The following GALNTL6 variants were observed in gnomAD, a reference collection of about 807,000 sequenced individuals.
GALNTL6 encodes polypeptide N-acetylgalactosaminyltransferase-like 6.
Under a neutral mutation model 73.7 loss-of-function variants are expected in GALNTL6, and 46 were observed. That is an observed-to-expected ratio of 0.62 (90% CI 0.49 to 0.80). GALNTL6 has a LOEUF of 0.80. GALNTL6 is among the 30% of genes least tolerant of loss of function. The probability of loss-of-function intolerance (pLI) is 0.00; values close to 1 mark genes in which losing one functional copy is unlikely to be tolerated. For synonymous variants in GALNTL6, 259 were observed against 263.7 expected, an observed-to-expected ratio of 0.98 and a Z score of 0.17; for missense variants, 604 against 755.0, an observed-to-expected ratio of 0.80 and a Z score of 2.34.
At chr4:172,276,161 A>C (rs1316917198) in intron 3 of GALNTL6, among the ~76,000 whole-genome samples, 2 of 152,230 alleles carry the variant, frequency 1.3e-5, no homozygotes, top group African/African-American at 4.8e-5. Context: ...ATTGAACTGA[A>C]AAGTCAAGGC....
intron 5 of GALNTL6, among the ~76,000 whole-genome samples, chr4:172,756,292 A>C (rs1224133973): frequency 2.0e-5 from 3 of 152,236 alleles, no homozygotes; most frequent in Non-Finnish European, 4.4e-5. Context: ...CAATTAAAAA[A>C]ATAATCATAG....
At chr4:172,034,008 A>T (rs1162393076) in intron 2 of GALNTL6, among the ~76,000 whole-genome samples, 1 of 152,108 alleles carries the variant, frequency 6.6e-6, no homozygotes, top group African/African-American at 2.4e-5. Flanking sequence ...ACAATCAAAA[A>T]TTGTTTTCTC....
At chr4:172,811,166 C>T (rs1484905751) in intron 6 of GALNTL6, among the ~76,000 whole-genome samples, 1 of 152,168 alleles carries the variant, frequency 6.6e-6, no homozygotes, top group Non-Finnish European at 1.5e-5. Flanking sequence ...AGTTTCTTGG[C>T]TCATTTTTCA....
Position 172,809,344 on chromosome 4 carries a change from C to A in GALNTL6, c.554-17C>A. On this transcript the variant is annotated splice_polypyrimidine_tract_variant and intron_variant, in intron 5 of 12. Transcript: ENST00000506823. The surrounding 1 kb of genome is among the most constrained non-coding windows in gnomAD (Gnocchi z 4.4). ...ATGTTTTGCGTTTTTTCTATGCATT[C>A]TCTACTTCCTACCTAGAACACCTGA... is the stretch of plus-strand genomic sequence containing the variant. 1 of 1,608,818 alleles carries A rather than the reference C, an allele frequency of 6.2e-7. No homozygotes were observed. Among genetic ancestry groups the A allele is most frequent in the Non-Finnish European group, 8.5e-7 (1 of 1,176,566 alleles).
intron 12 of GALNTL6, among the ~76,000 whole-genome samples, chr4:173,037,193 A>G (rs955852549): frequency 1.1e-4 from 17 of 152,200 alleles, no homozygotes. Context: ...GGGAACAATT[A>G]GTCTGTGGAT....
chr4:172,467,994 G>A (rs1732897328), intron 5 of GALNTL6, among the ~76,000 whole-genome samples: 1 of 150,924 alleles, frequency 6.6e-6, no homozygotes, highest in African/African-American at 2.4e-5. Context: ...CCTGGGCTCA[G>A]GTGATCCTCC....
intron 7 of GALNTL6, among the ~76,000 whole-genome samples, chr4:172,877,664 TA>T (rs1379569761): frequency 6.6e-6 from 1 of 151,542 alleles, no homozygotes; most frequent in East Asian, 1.9e-4. Context: ...TTAACAGATT[TA>T]ACATAAAATA....
At chr4:172,871,269 T>A (rs1474293367) in intron 7 of GALNTL6, among the ~76,000 whole-genome samples, 1 of 152,140 alleles carries the variant, frequency 6.6e-6, no homozygotes, top group Non-Finnish European at 1.5e-5. Context: ...TCCTTCAGGT[T>A]CTTGAACATT....
intron 2 of GALNTL6, among the ~76,000 whole-genome samples, chr4:171,970,740 A>G (rs12505373): frequency 0.42 from 64,083 of 152,098 alleles, 16,641 homozygotes; most frequent in Non-Finnish European, 0.57. Context: ...AAATGAGCAC[A>G]AAATGCAAAA....
chr4:172,678,039 T>C (rs1732407496), intron 5 of GALNTL6, among the ~76,000 whole-genome samples: 1 of 152,206 alleles, frequency 6.6e-6, no homozygotes, highest in African/African-American at 2.4e-5. Flanking sequence ...TTATGTTTTG[T>C]CTCTAATTCA....
At chr4:172,371,174 T>A (rs2111258747) in intron 5 of GALNTL6, among the ~76,000 whole-genome samples, 1 of 152,330 alleles carries the variant, frequency 6.6e-6, no homozygotes, top group African/African-American at 2.4e-5. Flanking sequence ...AGTTTCCTTA[T>A]CACTTACTGA....
chr4:172,554,863 A>G (rs1432977289), intron 5 of GALNTL6, among the ~76,000 whole-genome samples: 2 of 152,164 alleles, frequency 1.3e-5, no homozygotes, highest in Non-Finnish European at 2.9e-5. Flanking sequence ...AAATAATGCC[A>G]CTATGATCAC....
chr4:172,237,366 C>A (rs1016049631), intron 3 of GALNTL6, among the ~76,000 whole-genome samples: 1 of 152,030 alleles, frequency 6.6e-6, no homozygotes, highest in Non-Finnish European at 1.5e-5. Context: ...TGATGTTGAA[C>A]ATTTTTTTCA....
chr4:171,889,313 AC>A (rs1305406965), intron 2 of GALNTL6, among the ~76,000 whole-genome samples: 1 of 151,420 alleles, frequency 6.6e-6, no homozygotes, highest in Non-Finnish European at 1.5e-5. Context: ...TTGCTGATAA[AC>A]AAGTCATAGT....
intron 5 of GALNTL6, among the ~76,000 whole-genome samples, chr4:172,765,050 A>G (rs1738327822): frequency 6.6e-6 from 1 of 152,228 alleles, no homozygotes; most frequent in African/African-American, 2.4e-5. Context: ...CCAGGAATTA[A>G]TTATCCTCCT....
intron 4 of GALNTL6, among the ~76,000 whole-genome samples, chr4:172,322,345 ATTCT>A (rs1023272405): frequency 1.3e-5 from 2 of 152,082 alleles, no homozygotes; most frequent in African/African-American, 4.8e-5. Context: ...CCTCAGTCGA[ATTCT>A]TTCTTCTGAG....
At chr4:171,827,762 G>C (rs922596427) in intron 2 of GALNTL6, among the ~76,000 whole-genome samples, 1 of 151,826 alleles carries the variant, frequency 6.6e-6, no homozygotes, top group Non-Finnish European at 1.5e-5. Context: ...CACTGTCTTC[G>C]GTACCTTCAT....
At chr4:172,024,515 A>T (rs913573850) in intron 2 of GALNTL6, among the ~76,000 whole-genome samples, 12 of 151,894 alleles carry the variant, frequency 7.9e-5, no homozygotes, top group Non-Finnish European at 1.6e-4. Flanking sequence ...TTAAGGAGAT[A>T]TTGTCAATTA....
At chr4:171,861,077 G>A (rs563935916) in intron 2 of GALNTL6, among the ~76,000 whole-genome samples, 6 of 152,170 alleles carry the variant, frequency 3.9e-5, no homozygotes, top group Non-Finnish European at 7.4e-5. Context: ...GTCCAATATC[G>A]TATTGTACAA....
Sources: allele counts gnomAD v4.1 joint callset (sites outside exome capture counted in the v4.1 genomes callset), GRCh38; gene constraint gnomAD v4.1.1; non-coding constraint Gnocchi (gnomAD v3.1); transcripts MANE v1.5; gene names NCBI Gene and HGNC (gene_info 2026-07-23, HGNC 2026-07-21).